The following MAL2 variants were observed in gnomAD, a reference collection of about 807,000 sequenced individuals.
MAL2 encodes protein MAL2.
Under a neutral mutation model 18.1 loss-of-function variants are expected in MAL2, and 17 were observed. The observed-to-expected ratio is 0.94, with a 90% CI of 0.64 to 1.41. The LOEUF is 1.41. MAL2 is among the 40% of genes most tolerant of loss of function. The pLI, the probability that MAL2 is intolerant of heterozygous loss-of-function variation, is 0.00. For missense variants in MAL2, 222 were observed against 231.9 expected (o/e 0.96, Z 0.28); for synonymous variants, 102 against 102.3 (o/e 1.00, Z 0.02).
intron 2 of MAL2, among the ~76,000 whole-genome samples, chr8:119,233,647 A>G (rs1471628157): frequency 6.6e-6 from 1 of 152,210 alleles, no homozygotes; most frequent in Non-Finnish European, 1.5e-5. Context: ...ATCTCTGAAT[A>G]GACCAATAAC....
At chr8:119,242,831 A>G (rs1476602962) in intron 3 of MAL2, among the ~76,000 whole-genome samples, 1 of 152,226 alleles carries the variant, frequency 6.6e-6, no homozygotes, top group Non-Finnish European at 1.5e-5. Flanking sequence ...CTGTTTGTTT[A>G]TATGTACCAA....
At chr8:119,234,112 C>G (rs375232035) in intron 2 of MAL2, among the ~76,000 whole-genome samples, 6 of 152,124 alleles carry the variant, frequency 3.9e-5, no homozygotes, top group African/African-American at 7.2e-5. Flanking sequence ...GCACCGTGCG[C>G]GAGCCGAAGC....
intron 1 of MAL2, among the ~76,000 whole-genome samples, chr8:119,214,275 G>A (rs1817309953): frequency 6.6e-6 from 1 of 152,204 alleles, no homozygotes; most frequent in African/African-American, 2.4e-5. Context: ...GGCAGCTTGG[G>A]AGTAGATGCC....
At chr8:119,213,614 T>C (rs1269314624) in intron 1 of MAL2, among the ~76,000 whole-genome samples, 1 of 151,576 alleles carries the variant, frequency 6.6e-6, no homozygotes, top group African/African-American at 2.4e-5. Flanking sequence ...AGGTCAGGAG[T>C]TCAAGACCAG....
chr8:119,228,465 CTCT>C (rs147019380), intron 2 of MAL2, among the ~76,000 whole-genome samples: 11,296 of 152,190 alleles, frequency 0.074, 480 homozygotes, highest in Non-Finnish European at 0.092. Flanking sequence ...ATGTAGGAAG[CTCT>C]TCTTCAGTGT....
chr8:119,240,367 C>T, intron 3 of MAL2, 47 bp downstream of exon 3: 1 of 1,591,080 alleles, frequency 6.3e-7, no homozygotes, highest in Non-Finnish European at 8.6e-7. Context: ...ACTTCCGCTC[C>T]ACTGTCAAGG....
intron 2 of MAL2, among the ~76,000 whole-genome samples, chr8:119,238,053 G>A (rs561414118): frequency 1.5e-4 from 23 of 152,242 alleles, no homozygotes; most frequent in African/African-American, 2.6e-4. Context: ...TCTCAGCCCA[G>A]AATCTCCTTA....
In MAL2 at chr8:119,238,715, C is replaced by G. The variant is rs1035644408; in HGVS notation, c.304-1450C>G. ...TAATAAATGGTGCTGGGAAAACTGG[C>G]TAGCCATATGTAGAAAGCTGAAACT... is the stretch of plus-strand genomic sequence containing the variant. On this transcript the variant is annotated intron_variant, in intron 2 of 3. Transcript: ENST00000614891. 1.3e-3 allele frequency among the ~76,000 whole-genome samples: 202 copies of G among 150,398 alleles called. 1 individual carries two copies. The highest frequency in any genetic ancestry group is 4.5e-3 in the African/African-American group (179 of 39,960).
chr8:119,228,025 A>G (rs1048684200), intron 2 of MAL2, among the ~76,000 whole-genome samples: 1 of 152,182 alleles, frequency 6.6e-6, no homozygotes, highest in African/African-American at 2.4e-5. Context: ...CAATTGGCAG[A>G]GAGACTTCCA....
At chr8:119,218,701 G>T (rs1169781068) in intron 1 of MAL2, among the ~76,000 whole-genome samples, 1 of 152,166 alleles carries the variant, frequency 6.6e-6, no homozygotes, top group African/African-American at 2.4e-5. Context: ...TTGAGGTCCA[G>T]TCTGGGTTTA....
chr8:119,239,449 T>G (rs1817996258), intron 2 of MAL2, among the ~76,000 whole-genome samples: 2 of 152,088 alleles, frequency 1.3e-5, no homozygotes, highest in African/African-American at 4.8e-5. Flanking sequence ...CAGATCATGC[T>G]GCTATAAAGA....
chr8:119,224,544 A>AT (rs567084678), intron 2 of MAL2, among the ~76,000 whole-genome samples: 10 of 151,992 alleles, frequency 6.6e-5, no homozygotes, highest in East Asian at 1.9e-4. Flanking sequence ...TTTTTTTAAG[A>AT]TTTTTTTTAT....
At chr8:119,228,219 CT>C (rs1563773221) in intron 2 of MAL2, among the ~76,000 whole-genome samples, 1 of 152,096 alleles carries the variant, frequency 6.6e-6, no homozygotes, top group African/African-American at 2.4e-5. Flanking sequence ...CTTTTTGTCC[CT>C]GGACAAAAGA....
At chr8:119,229,753 C>T (rs891968486) in intron 2 of MAL2, among the ~76,000 whole-genome samples, 6 of 152,176 alleles carry the variant, frequency 3.9e-5, no homozygotes, top group Non-Finnish European at 1.5e-5. Flanking sequence ...AGCTGCTGTC[C>T]CTTTCAACCT....
At chr8:119,222,334 G>T (rs1817481619) in intron 2 of MAL2, among the ~76,000 whole-genome samples, 1 of 151,876 alleles carries the variant, frequency 6.6e-6, no homozygotes, top group Non-Finnish European at 1.5e-5. Flanking sequence ...TTCAAGACCA[G>T]CCTGGCCAAC....
At chr8:119,211,926 AAAAATC>A (rs1175936573) in intron 1 of MAL2, among the ~76,000 whole-genome samples, 3 of 152,194 alleles carry the variant, frequency 2.0e-5, no homozygotes, top group African/African-American at 7.2e-5. Context: ...AATATTTTAT[AAAAATC>A]ACTCATCGGG....
chr8:119,241,112 T>G (rs1818039333), intron 3 of MAL2, among the ~76,000 whole-genome samples: 1 of 152,194 alleles, frequency 6.6e-6, no homozygotes, highest in Non-Finnish European at 1.5e-5. Context: ...AGTACTCATA[T>G]AGTCATTGAA....
chr8:119,235,317 C>T (rs1270123531), intron 2 of MAL2, among the ~76,000 whole-genome samples: 5 of 152,148 alleles, frequency 3.3e-5, no homozygotes, highest in South Asian at 4.1e-4. Flanking sequence ...ACCAAATCTA[C>T]GTCTGATTGG....
At position 119,208,618 on chromosome 8, in the gene MAL2, C is replaced by T; in HGVS notation, c.132+14C>T. ...TGCCTGGAGATTGTAAGTGGGGCCG[C>T]CGGAGCGAGGGTCGCGCGGGGAGCG... On this transcript the variant is annotated intron_variant, in intron 1 of 3. Transcript: ENST00000614891. This position sits in a 1 kb window ranked among gnomAD's most constrained non-coding sequence, Gnocchi z 4.3. 7 of 1,308,114 alleles carry T rather than the reference C, an allele frequency of 5.4e-6. No individual in the cohort carries two copies. Among genetic ancestry groups the T allele is most frequent in the Non-Finnish European group, 6.8e-6 (7 of 1,026,518 alleles). 81.0% of individuals were successfully genotyped at this position (1,308,114 alleles called of 1,614,324 possible).
Sources: allele counts gnomAD v4.1 joint callset (sites outside exome capture counted in the v4.1 genomes callset), GRCh38; gene constraint gnomAD v4.1.1; non-coding constraint Gnocchi (gnomAD v3.1); transcripts MANE v1.5; gene names NCBI Gene and HGNC (gene_info 2026-07-23, HGNC 2026-07-21).